GPC5: variants seen among roughly 807,000 people sequenced by gnomAD.
GPC5 encodes the protein glypican 5.
In GPC5, 47 loss-of-function variants were observed where a neutral mutation model predicts 53.9. The ratio of observed to expected loss-of-function variants is 0.87; its 90% CI spans 0.69 to 1.11. The LOEUF is 1.11. Ranked by LOEUF, GPC5 falls within the 50% of genes most tolerant of loss-of-function variation. The pLI, the probability that GPC5 is intolerant of heterozygous loss-of-function variation, is 0.00. For missense variants in GPC5, 748 were observed against 713.1 expected (o/e 1.05, Z -0.56); for synonymous variants, 286 against 263.3 (o/e 1.09, Z -0.84).
chr13:92,395,624 G>A (rs1406970196), intron 7 of GPC5, among the ~76,000 whole-genome samples: 1 of 151,916 alleles, frequency 6.6e-6, no homozygotes, highest in Non-Finnish European at 1.5e-5. Flanking sequence ...ACTTCTTTTG[G>A]CATTTTGTCT....
chr13:92,829,802 T>A (rs1877988021), intron 7 of GPC5, among the ~76,000 whole-genome samples: 1 of 152,160 alleles, frequency 6.6e-6, no homozygotes, highest in South Asian at 2.1e-4. Context: ...CATACCTTCA[T>A]GATTCTTTTA....
chr13:92,022,521 G>A (rs1231916259), intron 6 of GPC5, among the ~76,000 whole-genome samples: 2 of 151,836 alleles, frequency 1.3e-5, no homozygotes, highest in African/African-American at 4.8e-5. Context: ...CATTGAGTCA[G>A]GTACATGGTG....
intron 6 of GPC5, among the ~76,000 whole-genome samples, chr13:91,983,952 A>G (rs1223440511): frequency 2.0e-5 from 3 of 152,228 alleles, no homozygotes; most frequent in African/African-American, 7.2e-5. Flanking sequence ...ATAAACATTC[A>G]GTAGATTGCC....
chr13:92,451,188 A>T (rs554764462), intron 7 of GPC5, among the ~76,000 whole-genome samples: 1 of 152,304 alleles, frequency 6.6e-6, no homozygotes, highest in South Asian at 2.1e-4. Context: ...AAAAAAATAA[A>T]CAGCAGCTGT....
intron 7 of GPC5, among the ~76,000 whole-genome samples, chr13:92,324,674 ATG>A (rs1255439592): frequency 6.6e-6 from 1 of 151,852 alleles, no homozygotes; most frequent in Non-Finnish European, 1.5e-5. Context: ...GCATATCATT[ATG>A]TAGTACTGCA....
chr13:91,650,749 A>ATTTTTTTTTTTTTTTT (rs1594380934), intron 2 of GPC5, among the ~76,000 whole-genome samples: 1 of 67,066 alleles, frequency 1.5e-5, no homozygotes, highest in African/African-American at 9.8e-5. Flanking sequence ...AATTCCCATA[A>ATTTTTTTTTTTTTTTT]GTTTTTTTTT....
chr13:91,401,945 T>C (rs963862838), intron 1 of GPC5, among the ~76,000 whole-genome samples: 5 of 120,954 alleles, frequency 4.1e-5, no homozygotes, highest in South Asian at 6.5e-4. Flanking sequence ...ATTTTCTAAG[T>C]AGTAGTCAAG....
intron 2 of GPC5, among the ~76,000 whole-genome samples, chr13:91,621,716 A>G (rs955771895): frequency 6.9e-6 from 1 of 144,112 alleles, no homozygotes; most frequent in African/African-American, 2.7e-5. Flanking sequence ...GGAGAATTGT[A>G]TCTAATAATA....
intron 7 of GPC5, among the ~76,000 whole-genome samples, chr13:92,193,426 C>T (rs1244372075): frequency 6.6e-6 from 1 of 152,034 alleles, no homozygotes; most frequent in Non-Finnish European, 1.5e-5. Context: ...ACAGTATTCA[C>T]TTTATTTTGT....
At chr13:91,465,418 A>G (rs1419129281) in intron 2 of GPC5, among the ~76,000 whole-genome samples, 1 of 152,034 alleles carries the variant, frequency 6.6e-6, no homozygotes, top group Non-Finnish European at 1.5e-5. Flanking sequence ...ATCATACATC[A>G]TGTAGCCTTC....
chr13:91,552,902 C>T (rs1421183523), intron 2 of GPC5, among the ~76,000 whole-genome samples: 2 of 152,110 alleles, frequency 1.3e-5, no homozygotes, highest in African/African-American at 2.4e-5. Flanking sequence ...GATTCTAATA[C>T]ACACATTTTC....
intron 7 of GPC5, among the ~76,000 whole-genome samples, chr13:92,541,054 T>G (rs939367658): frequency 6.6e-6 from 1 of 151,932 alleles, no homozygotes; most frequent in African/African-American, 2.4e-5. Context: ...CATATACATG[T>G]GGTTTATTAT....
At chr13:92,057,027 C>T (rs1485157484) in intron 6 of GPC5, among the ~76,000 whole-genome samples, 3 of 152,304 alleles carry the variant, frequency 2.0e-5, no homozygotes, top group East Asian at 3.9e-4. Flanking sequence ...CCATGCCTCT[C>T]ATTGAGAGGT....
intron 2 of GPC5, among the ~76,000 whole-genome samples, chr13:91,472,413 T>C (rs1397955933): frequency 6.6e-6 from 1 of 152,198 alleles, no homozygotes; most frequent in Non-Finnish European, 1.5e-5. Flanking sequence ...TACCTTAGTT[T>C]CCTCATCTGT....
chr13:92,181,695 G>A (rs1287591725), intron 7 of GPC5, among the ~76,000 whole-genome samples: 1 of 152,106 alleles, frequency 6.6e-6, no homozygotes, highest in Non-Finnish European at 1.5e-5. Flanking sequence ...AGAAATGAGA[G>A]CTCAGATTTC....
In GPC5 at chr13:91,784,068, G is replaced by A. The variant is rs867685748; in HGVS notation, c.1280+27648G>A. On this transcript the variant is annotated intron_variant, in intron 5 of 7. Transcript: ENST00000377067. ...AACAGAGATATATTAGAAACTATGAGACATATTAAATCAGAGACAGATTAG... is the reference window on the plus strand; with the variant it reads ...AACAGAGATATATTAGAAACTATGAAACATATTAAATCAGAGACAGATTAG... Among the ~76,000 whole-genome samples, 18 of 152,184 alleles carry A rather than the reference G, an allele frequency of 1.2e-4. No homozygotes were observed. The Middle Eastern group carries it at 0.017, about 145-fold the overall frequency.
At chr13:92,770,404 G>C in intron 7 of GPC5, among the ~76,000 whole-genome samples, 1 of 115,918 alleles carries the variant, frequency 8.6e-6, no homozygotes, top group Admixed American at 1.1e-4. Context: ...GACCTAGTGA[G>C]ACCCTGTCTC....
intron 7 of GPC5, among the ~76,000 whole-genome samples, chr13:92,715,546 C>T (rs762130192): frequency 6.6e-6 from 1 of 152,168 alleles, no homozygotes; most frequent in East Asian, 1.9e-4. Context: ...TTAACAGGAA[C>T]ATATGATGAC....
intron 7 of GPC5, among the ~76,000 whole-genome samples, chr13:92,306,104 G>A (rs538057178): frequency 2.6e-5 from 4 of 152,200 alleles, no homozygotes; most frequent in Admixed American, 6.5e-5. Context: ...GTGAGATTGG[G>A]AAGTAGATTG....
Sources: allele counts gnomAD v4.1 joint callset (sites outside exome capture counted in the v4.1 genomes callset), GRCh38; gene constraint gnomAD v4.1.1; transcripts MANE v1.5; gene names NCBI Gene and HGNC (gene_info 2026-07-23, HGNC 2026-07-21).